PCDHGA3: variants seen among roughly 807,000 people sequenced by gnomAD.
The protein encoded by PCDHGA3 is protocadherin gamma-A3.
PCDHGA3 carries 40 observed loss-of-function variants against 58.5 expected under a neutral mutation model. That is an observed-to-expected ratio of 0.68 (90% CI 0.53 to 0.89). The LOEUF (loss-of-function observed/expected upper bound fraction) is 0.89, where lower values mean the gene tolerates loss of function less well. Among genes scored for constraint, PCDHGA3 ranks in the 40% least tolerant of loss-of-function variants. The pLI, the probability that PCDHGA3 is intolerant of heterozygous loss-of-function variation, is 0.00. For missense variants in PCDHGA3, 1,223 were observed against 1,195.9 expected (o/e 1.02, Z -0.33); for synonymous variants, 530 against 525.7 (o/e 1.01, Z -0.11).
chr5:141,423,874 A>G (rs1264795133), intron 1 of PCDHGA3: 2 of 1,283,268 alleles, frequency 1.6e-6, no homozygotes, highest in East Asian at 3.1e-5. Context: ...GTCATTTTTC[A>G]ATCTTGGCAT....
intron 1 of PCDHGA3, among the ~76,000 whole-genome samples, chr5:141,458,063 G>A (rs1011861177): frequency 1.3e-5 from 2 of 152,190 alleles, no homozygotes; most frequent in African/African-American, 4.8e-5. Context: ...CTGCACTGAT[G>A]CGAACAACTA....
chr5:141,447,329 G>A (rs1328071539), intron 1 of PCDHGA3, among the ~76,000 whole-genome samples: 6 of 151,732 alleles, frequency 4.0e-5, no homozygotes, highest in Admixed American at 1.3e-4. Context: ...TAGTAGAGAC[G>A]GGTTTCATCA....
intron 1 of PCDHGA3, chr5:141,357,247 G>C (rs11575951): frequency 0.023 from 36,857 of 1,613,696 alleles, 965 homozygotes; most frequent in African/African-American, 0.14. Flanking sequence ...GCCTTCAGCA[G>C]ACCCAGACGA....
At position 141,416,083 on chromosome 5, in the gene PCDHGA3, A is replaced by T. The variant is rs183563665; in HGVS notation, c.2424+69626A>T. The T allele has an allele frequency of 1.6e-4, 27 of 167,232 alleles. 1 individual carries two copies. The East Asian group carries it at 3.9e-3, about 24-fold the overall frequency. The allele number at this position is 167,232 out of a possible 1,614,324, so 10.4% of individuals were successfully genotyped here. A position where few individuals can be genotyped will look rare whatever the true frequency, so the allele number is the denominator to read the frequency against. On this transcript the variant is annotated intron_variant, in intron 1 of 3. Transcript: ENST00000253812. Reference sequence around the variant, plus strand: ...AGAATACTCAATGCAGTTCTTCCCAAGGAGAAGGGCAATAGGCCTTTTTCA... The same window carrying T: ...AGAATACTCAATGCAGTTCTTCCCATGGAGAAGGGCAATAGGCCTTTTTCA...
chr5:141,432,173 GTC>G lies in PCDHGA3; in HGVS notation c.2425-62630_2425-62629del. 6.2e-7 allele frequency: 1 copy of G among 1,614,054 alleles called. No individual in the cohort carries two copies. Among genetic ancestry groups the G allele is most frequent in the Non-Finnish European group, 8.5e-7 (1 of 1,180,018 alleles). Reference sequence around the variant, plus strand: ...GAACAATCCCAGAGGAGTTTCCCTCGTCTCTGTGACCGCCCACGACCCCGACT... The same window carrying G: ...GAACAATCCCAGAGGAGTTTCCCTCGTCTGTGACCGCCCACGACCCCGACT... On this transcript the variant is annotated intron_variant, in intron 1 of 3. Coordinates refer to ENST00000253812, the MANE Select transcript of PCDHGA3 (RefSeq NM_018916.4). This position sits in a 1 kb window ranked among gnomAD's most constrained non-coding sequence, Gnocchi z 6.0.
intron 1 of PCDHGA3, chr5:141,367,398 G>C (rs1419985129): frequency 2.0e-5 from 3 of 152,206 alleles, no homozygotes; most frequent in African/African-American, 7.2e-5. Context: ...TTAGCCGGGC[G>C]TGGTGGCAGG....
In PCDHGA3 at chr5:141,346,135, C is replaced by A; in HGVS notation, c.2102C>A (p.Ser701Tyr). 3.1e-6 allele frequency: 5 copies of A among 1,613,962 alleles called. No homozygotes were observed. Among genetic ancestry groups the A allele is most frequent in the Non-Finnish European group, 3.4e-6 (4 of 1,179,916 alleles). ...LYLVVAVAAV[S>Y]CVFLAFVIVL... is the part of the protein sequence containing the mutation. ...CTGGTGGTGGCGGTGGCCGCGGTCTCCTGCGTCTTCCTGGCCTTCGTCATC... is the reference window on the plus strand; with the variant it reads ...CTGGTGGTGGCGGTGGCCGCGGTCTACTGCGTCTTCCTGGCCTTCGTCATC... The change falls in exon 1 of 4, where the codon TCC becomes TAC. Residue 701 changes from serine to tyrosine, a missense_variant. Around this residue, in one of 3 missense-constraint regions of PCDHGA3, gnomAD observed 325 missense variants for 327.5 expected, o/e 0.99. Transcript: ENST00000253812.
rs577770679 is a variant in PCDHGA3, at chr5:141,458,782, G to A, written c.2425-36025G>A. Reference sequence around the variant, plus strand: ...GGGTCTTGCTGTGTCACACAGGCTGGAGTGCAGTGGTGTGATCTCAGCTCA... The same window carrying A: ...GGGTCTTGCTGTGTCACACAGGCTGAAGTGCAGTGGTGTGATCTCAGCTCA... On this transcript the variant is annotated intron_variant, in intron 1 of 3. Coordinates refer to ENST00000253812, the MANE Select transcript of PCDHGA3 (RefSeq NM_018916.4). 3.3e-5 allele frequency among the ~76,000 whole-genome samples: 5 copies of A among 152,020 alleles called. No homozygotes were observed. In the East Asian group the frequency reaches 9.7e-4, roughly 30 times the overall value.
At chr5:141,453,071 C>G (rs561248978) in intron 1 of PCDHGA3, among the ~76,000 whole-genome samples, 13 of 152,150 alleles carry the variant, frequency 8.5e-5, no homozygotes, top group South Asian at 2.1e-4. Flanking sequence ...TTTTGCCACA[C>G]TCTGGTTGAT....
intron 1 of PCDHGA3, among the ~76,000 whole-genome samples, chr5:141,357,912 G>A (rs1028672108): frequency 6.6e-6 from 1 of 152,134 alleles, no homozygotes; most frequent in African/African-American, 2.4e-5. Flanking sequence ...TTTCTGTGCT[G>A]GGTGTGGTGG....
At chr5:141,360,843 C>G (rs910664589) in intron 1 of PCDHGA3, 1 of 1,613,956 alleles carries the variant, frequency 6.2e-7, no homozygotes. Flanking sequence ...CGGATGCCAA[C>G]GATAACCCTC....
At chr5:141,439,412 T>G (rs2098111019) in intron 1 of PCDHGA3, among the ~76,000 whole-genome samples, 1 of 152,194 alleles carries the variant, frequency 6.6e-6, no homozygotes, top group Admixed American at 6.5e-5. Flanking sequence ...CTAACATCAC[T>G]GAGGTTATAA....
chr5:141,356,762 A>T lies in PCDHGA3; in HGVS notation c.2424+10305A>T, dbSNP rs1431097659. 9 of 1,613,834 alleles carry T rather than the reference A, an allele frequency of 5.6e-6. No homozygotes were observed. The South Asian group carries it at 8.8e-5, about 16-fold the overall frequency. On this transcript the variant is annotated intron_variant, in intron 1 of 3. Transcript: ENST00000253812. ...ATCCTATATGCTCTTTGCTCCTTCG[A>T]CTATGAGCAGTTTAGAGACCTGCAG...
chr5:141,389,836 C>T (rs1471068729), intron 1 of PCDHGA3: 2 of 1,613,874 alleles, frequency 1.2e-6, no homozygotes, highest in Non-Finnish European at 1.7e-6. Context: ...GGACAGCCAC[C>T]ACTCTCGGCC....
At chr5:141,376,676 G>GTTTTTTTTTTTTTTTTTTTTTT (rs67197835) in intron 1 of PCDHGA3, 1 of 275,800 alleles carries the variant, frequency 3.6e-6, no homozygotes, top group Non-Finnish European at 6.2e-6. Context: ...TGAGGGTATC[G>GTTTTTTTTTTTTTTTTTTTTTT]TTTTTTTTTT....
At chr5:141,428,141 G>A (rs1314061143) in intron 1 of PCDHGA3, 1 of 1,596,618 alleles carries the variant, frequency 6.3e-7, no homozygotes, top group Non-Finnish European at 8.6e-7. Context: ...GCCTGGGGCT[G>A]CACACGGGAA....
intron 1 of PCDHGA3, chr5:141,409,051 C>T (rs767003760): frequency 3.7e-6 from 6 of 1,614,032 alleles, no homozygotes; most frequent in Non-Finnish European, 5.1e-6. Context: ...ACTTCCGAAG[C>T]ACTGCCCAGA....
intron 1 of PCDHGA3, among the ~76,000 whole-genome samples, chr5:141,464,265 AAAAAAAAAAAAAGC>A (rs1446781862): frequency 7.4e-6 from 1 of 135,276 alleles, no homozygotes; most frequent in Non-Finnish European, 1.6e-5. Flanking sequence ...ACTCCGTCTA[AAAAAAAAAAAAAGC>A]AAAAAAAAAA....
chr5:141,394,741 T>G (rs767167411), intron 1 of PCDHGA3: 5 of 1,613,414 alleles, frequency 3.1e-6, no homozygotes, highest in Non-Finnish European at 4.2e-6. Context: ...CAGAGCCTCG[T>G]GGTGGCCGTC....
Sources: gnomAD v4.1 joint callset for allele counts (sites outside exome capture counted in the v4.1 genomes callset) on GRCh38, gnomAD v4.1.1 for gene constraint, gnomAD v4.1.1 regional missense constraint, Gnocchi (gnomAD v3.1) non-coding constraint, MANE v1.5 for transcripts, NCBI Gene and HGNC (gene_info 2026-07-23, HGNC 2026-07-21) for gene names.